Variants in SLC24A3 observed in about 807,000 individuals in gnomAD.
SLC24A3 encodes solute carrier family 24 member 3.
SLC24A3 carries 28 observed loss-of-function variants against 75.8 expected under a neutral mutation model. The observed-to-expected ratio is 0.37, with a 90% CI of 0.27 to 0.51. The LOEUF (loss-of-function observed/expected upper bound fraction) is 0.51. SLC24A3 is among the 20% of genes least tolerant of loss of function. The pLI, the probability that SLC24A3 is intolerant of heterozygous loss-of-function variation, is 0.94. For missense variants in SLC24A3, 663 were observed against 847.8 expected (o/e 0.78, Z 2.71); for synonymous variants, 372 against 334.1 (o/e 1.11, Z -1.24).
At chr20:19,298,432 C>T (rs1255352007) in intron 2 of SLC24A3, among the ~76,000 whole-genome samples, 1 of 152,130 alleles carries the variant, frequency 6.6e-6, no homozygotes, top group Non-Finnish European at 1.5e-5. Flanking sequence ...GTGGCACACC[C>T]TTGGTGATCA....
chr20:19,484,908 G>A (rs2122523246), intron 2 of SLC24A3, among the ~76,000 whole-genome samples: 1 of 152,166 alleles, frequency 6.6e-6, no homozygotes, highest in South Asian at 2.1e-4. Context: ...ATTTTTTCAG[G>A]AGACTGAAAG....
At chr20:19,468,413 C>G (rs983680638) in intron 2 of SLC24A3, among the ~76,000 whole-genome samples, 1 of 151,982 alleles carries the variant, frequency 6.6e-6, no homozygotes, top group Non-Finnish European at 1.5e-5. Context: ...AATACACTTA[C>G]TAAAGCAGCA....
At chr20:19,584,635 T>G (rs1433515317) in intron 4 of SLC24A3, among the ~76,000 whole-genome samples, 2 of 152,150 alleles carry the variant, frequency 1.3e-5, no homozygotes, top group Non-Finnish European at 2.9e-5. Flanking sequence ...CTGACTGTCA[T>G]CTGCACAGCC....
chr20:19,497,622 A>G (rs1443575300), intron 2 of SLC24A3, among the ~76,000 whole-genome samples: 1 of 152,142 alleles, frequency 6.6e-6, no homozygotes, highest in Non-Finnish European at 1.5e-5. Flanking sequence ...AACCACGTCT[A>G]ATGTTGATCC....
intron 2 of SLC24A3, among the ~76,000 whole-genome samples, chr20:19,411,304 A>G (rs1450261302): frequency 6.6e-6 from 1 of 152,190 alleles, no homozygotes; most frequent in Non-Finnish European, 1.5e-5. Flanking sequence ...TCTTGCTTCA[A>G]AAAGAAAGTG....
At chr20:19,325,796 A>ATATAGAGG (rs55662440) in intron 2 of SLC24A3, among the ~76,000 whole-genome samples, 47 of 46,802 alleles carry the variant, frequency 1.0e-3, no homozygotes, top group Non-Finnish European at 1.6e-3. Context: ...ATATATATAT[A>ATATAGAGG]GAGAGAGAGA....
At position 19,690,263 on chromosome 20, in the gene SLC24A3, G is replaced by T. The variant is rs149706423; in HGVS notation, c.1325-2996G>T. ...AGAAAGCATATATGTCATTGAAAAT[G>T]ATGTTTTCCAGATATAATGCCCTCC... On this transcript the variant is annotated intron_variant, in intron 12 of 16. Coordinates refer to ENST00000328041, the MANE Select transcript of SLC24A3 (RefSeq NM_020689.4). 2.0e-5 allele frequency among the ~76,000 whole-genome samples: 3 copies of T among 152,254 alleles called. No homozygotes were observed. The East Asian group carries it at 5.8e-4, about 29-fold the overall frequency.
rs144923715 is a variant in SLC24A3, at chr20:19,513,949, G to A, written c.272-1539G>A. 3.6e-3 allele frequency among the ~76,000 whole-genome samples: 553 copies of A among 152,080 alleles called. 3 individuals are homozygous for A. The highest frequency in any genetic ancestry group is 8.7e-3 in the South Asian group (42 of 4,818). On this transcript the variant is annotated intron_variant, in intron 2 of 16. Transcript: ENST00000328041. ...GAGAAGATTTAGATCCATCCTCTTCGCAAGTTTCAAGTATATAATGTAGTA... is the reference window on the plus strand; with the variant it reads ...GAGAAGATTTAGATCCATCCTCTTCACAAGTTTCAAGTATATAATGTAGTA...
chr20:19,656,534 C>T (rs950183504), intron 7 of SLC24A3, among the ~76,000 whole-genome samples: 1 of 152,224 alleles, frequency 6.6e-6, no homozygotes. Context: ...TTCCAGCAAG[C>T]TTCATCCTTC....
At chr20:19,379,197 A>G (rs918958604) in intron 2 of SLC24A3, among the ~76,000 whole-genome samples, 13 of 152,128 alleles carry the variant, frequency 8.5e-5, no homozygotes, top group African/African-American at 3.1e-4. Flanking sequence ...TTGGGTGAGA[A>G]TTCACTCATT....
In SLC24A3 at chr20:19,495,669, C is replaced by T. The variant is rs149780436; in HGVS notation, c.272-19819C>T. On this transcript the variant is annotated intron_variant, in intron 2 of 16. Transcript: ENST00000328041. Reference sequence around the variant, plus strand: ...TGATATTTGCAAGACTTGACTCCCTCGGCTGTGCCCAATCTTGCCCTGACC... The same window carrying T: ...TGATATTTGCAAGACTTGACTCCCTTGGCTGTGCCCAATCTTGCCCTGACC... 1.2e-4 allele frequency among the ~76,000 whole-genome samples: 19 copies of T among 152,350 alleles called. 1 individual carries two copies. Among genetic ancestry groups the T allele is most frequent in the Admixed American group, 2.0e-4 (3 of 15,304 alleles).
intron 7 of SLC24A3, among the ~76,000 whole-genome samples, chr20:19,658,469 A>G (rs2122714151): frequency 6.6e-6 from 1 of 152,256 alleles, no homozygotes; most frequent in South Asian, 2.1e-4. Flanking sequence ...CGGGTATTTC[A>G]CCTAAACTTT....
At chr20:19,389,961 C>T (rs769570082) in intron 2 of SLC24A3, among the ~76,000 whole-genome samples, 1 of 152,102 alleles carries the variant, frequency 6.6e-6, no homozygotes, top group African/African-American at 2.4e-5. Context: ...TCTCAAATGA[C>T]CTTTCTTTAA....
intron 2 of SLC24A3, among the ~76,000 whole-genome samples, chr20:19,488,731 T>A (rs1382029351): frequency 6.6e-6 from 1 of 152,178 alleles, no homozygotes; most frequent in African/African-American, 2.4e-5. Context: ...CGTAATGAGA[T>A]ATCTTGTGGG....
At chr20:19,568,141 G>A (rs2030990512) in intron 3 of SLC24A3, among the ~76,000 whole-genome samples, 1 of 152,212 alleles carries the variant, frequency 6.6e-6, no homozygotes. Flanking sequence ...AATAGCTGGT[G>A]TTGGCAAGGA....
At chr20:19,254,069 T>C (rs1982739191) in intron 1 of SLC24A3, among the ~76,000 whole-genome samples, 1 of 152,216 alleles carries the variant, frequency 6.6e-6, no homozygotes, top group African/African-American at 2.4e-5. Context: ...TAAGAGAAAC[T>C]GGAAATCTGG....
intron 7 of SLC24A3, among the ~76,000 whole-genome samples, chr20:19,660,003 G>A: frequency 6.6e-6 from 1 of 152,142 alleles, no homozygotes; most frequent in East Asian, 1.9e-4. Context: ...GAGGTCATGT[G>A]GAAGTCTGTC....
chr20:19,217,170 C>A (rs1269586749), intron 1 of SLC24A3, among the ~76,000 whole-genome samples: 1 of 152,232 alleles, frequency 6.6e-6, no homozygotes, highest in Non-Finnish European at 1.5e-5. Flanking sequence ...GTCACAGTCA[C>A]AGAATGTCAT....
chr20:19,381,953 G>A (rs1986190372), intron 2 of SLC24A3, among the ~76,000 whole-genome samples: 1 of 152,176 alleles, frequency 6.6e-6, no homozygotes, highest in Non-Finnish European at 1.5e-5. Flanking sequence ...AGTAGCAACT[G>A]AAGGAAATAC....
Sources: gnomAD v4.1 joint callset for allele counts (sites outside exome capture counted in the v4.1 genomes callset) on GRCh38, gnomAD v4.1.1 for gene constraint, MANE v1.5 for transcripts, NCBI Gene and HGNC (gene_info 2026-07-23, HGNC 2026-07-21) for gene names.